The following FMN1 variants were observed in gnomAD, a reference collection of about 807,000 sequenced individuals.
FMN1 encodes formin-1.
FMN1 carries 110 observed loss-of-function variants against 132.4 expected under a neutral mutation model. That is an observed-to-expected ratio of 0.83 (90% CI 0.71 to 0.97). The LOEUF (loss-of-function observed/expected upper bound fraction) is 0.97, where lower values mean the gene tolerates loss of function less well. Ranked by LOEUF, FMN1 falls within the 50% of genes least tolerant of loss-of-function variation. FMN1 has a pLI of 0.00. For missense variants in FMN1, 1,792 were observed against 1,705.3 expected (o/e 1.05, Z -0.90); for synonymous variants, 722 against 651.7 (o/e 1.11, Z -1.64).
intron 15 of FMN1, among the ~76,000 whole-genome samples, chr15:32,894,129 T>C (rs553180054): frequency 6.6e-6 from 1 of 152,304 alleles, no homozygotes; most frequent in South Asian, 2.1e-4. Context: ...TACACGTTTG[T>C]GAATATTAAC....
intron 7 of FMN1, among the ~76,000 whole-genome samples, chr15:32,987,235 A>G (rs1200957517): frequency 6.6e-6 from 1 of 152,158 alleles, no homozygotes; most frequent in African/African-American, 2.4e-5. Context: ...TAACATCCAC[A>G]TGAAACCACA....
intron 7 of FMN1, among the ~76,000 whole-genome samples, chr15:32,985,539 C>T (rs1476088775): frequency 6.6e-6 from 1 of 152,048 alleles, no homozygotes; most frequent in Admixed American, 6.6e-5. Context: ...CAAAAGAAAA[C>T]CAAGGAAGAA....
chr15:32,776,636 GT>G (rs1193739658), intron 20 of FMN1, among the ~76,000 whole-genome samples, 198 bp downstream of exon 20: 1 of 151,444 alleles, frequency 6.6e-6, no homozygotes, highest in Non-Finnish European at 1.5e-5. Flanking sequence ...CCTATGTTGA[GT>G]TTACAGGAAA....
rs954532671 is a variant in FMN1, at chr15:33,154,180, G to T, written c.735C>A (p.Asp245Glu). The T allele has an allele frequency of 6.5e-7, 1 of 1,536,326 alleles. No homozygotes were observed. The highest frequency in any genetic ancestry group is 8.7e-7 in the Non-Finnish European group (1 of 1,146,992). The change falls in exon 4 of 21, where the codon GAC becomes GAA. Residue 245 changes from aspartate to glutamate, a missense_variant. Asp to Glu is a conservative substitution (Grantham distance 45, BLOSUM62 2). Transcript: ENST00000616417. ...CAAAGCTCCCAAAGCCAAGGTCTGT[G>T]TCTGGCGTCTTGGGAATATCTGGGG... The part of the protein sequence containing the change: ...SCPPDIPKTP[D>E]TDLGFGSFET...
chr15:33,042,619 A>G (rs1368967796), intron 6 of FMN1, among the ~76,000 whole-genome samples: 1 of 152,248 alleles, frequency 6.6e-6, no homozygotes. Context: ...GAGTGTTGGT[A>G]CTACACAGTC....
intron 7 of FMN1, among the ~76,000 whole-genome samples, chr15:32,972,372 A>C (rs913997201): frequency 4.6e-5 from 7 of 152,194 alleles, no homozygotes; most frequent in Non-Finnish European, 8.8e-5. Context: ...TTCGCAGCAG[A>C]ACTTTTTTGA....
At chr15:32,951,891 G>A (rs1567452743) in intron 9 of FMN1, among the ~76,000 whole-genome samples, 2 of 152,110 alleles carry the variant, frequency 1.3e-5, no homozygotes, top group Non-Finnish European at 2.9e-5. Context: ...TAGTCTAGTG[G>A]TGACTCTCAC....
In FMN1 at chr15:32,772,552, G is replaced by A. The variant is rs2056284039; in HGVS notation, c.*1758C>T. On this transcript the variant is annotated 3_prime_UTR_variant, in exon 21 of 21. Transcript: ENST00000616417. ...AGCATAAAAAGCTTCTTGCTCACAA[G>A]CAACTTCAAGCCTTTTTAGTCATGC... is the stretch of plus-strand genomic sequence containing the variant. 2.0e-5 allele frequency: 3 copies of A among 152,216 alleles called. No homozygotes were observed. 9.4% of individuals were successfully genotyped at this position (152,216 alleles called of 1,614,324 possible). A position where few individuals can be genotyped will look rare whatever the true frequency, so the allele number is the denominator to read the frequency against.
intron 7 of FMN1, among the ~76,000 whole-genome samples, chr15:32,977,481 A>G (rs1596382894): frequency 6.6e-6 from 1 of 152,224 alleles, no homozygotes; most frequent in East Asian, 1.9e-4. Flanking sequence ...TGGAAAAAGC[A>G]TTGGGTTCAA....
chr15:32,798,909 C>A lies in FMN1; in HGVS notation c.4025G>T (p.Gly1342Val). ...VRYFGMKPKS[G>V]EKEITPSYVF... ...GTAGCTGGGTGTGATCTCCTTCTCA[C>A]CAGACTTTGGCTTCATCCCAAAATA... Residue 1342 changes from glycine (G) to valine (V), a missense_variant, in exon 19 of 21, where the codon GGT (glycine) becomes GTT (valine). By Grantham distance (109) the Gly-to-Val change is moderately radical. Coordinates refer to ENST00000616417, the MANE Select transcript of FMN1 (RefSeq NM_001277313.2). 6.2e-7 allele frequency: 1 copy of A among 1,612,330 alleles called. No homozygotes were observed. Among genetic ancestry groups the A allele is most frequent in the Non-Finnish European group, 8.5e-7 (1 of 1,179,310 alleles).
At chr15:32,853,047 C>T (rs1209650974) in intron 17 of FMN1, among the ~76,000 whole-genome samples, 5 of 152,168 alleles carry the variant, frequency 3.3e-5, no homozygotes, top group South Asian at 2.1e-4. Context: ...AATTTCTAAT[C>T]CTCAATTTCC....
At chr15:32,797,325 T>C (rs907564585) in intron 19 of FMN1, among the ~76,000 whole-genome samples, 2 of 152,188 alleles carry the variant, frequency 1.3e-5, no homozygotes, top group Admixed American at 1.3e-4. Flanking sequence ...ATCTGAGGTG[T>C]AAAAATTCTT....
chr15:33,003,599 G>A (rs1279173328), intron 7 of FMN1, among the ~76,000 whole-genome samples: 5 of 152,158 alleles, frequency 3.3e-5, no homozygotes, highest in Non-Finnish European at 7.3e-5. Context: ...AATCAATATC[G>A]TGAAAATGGC....
At chr15:32,947,591 G>T (rs2061536476) in intron 9 of FMN1, among the ~76,000 whole-genome samples, 1 of 151,876 alleles carries the variant, frequency 6.6e-6, no homozygotes, top group Non-Finnish European at 1.5e-5. Context: ...TTTGAAACTA[G>T]AAATTTGGGA....
chr15:32,953,462 TCA>T (rs1209139692), intron 9 of FMN1, among the ~76,000 whole-genome samples: 13 of 152,206 alleles, frequency 8.5e-5, no homozygotes, highest in Non-Finnish European at 1.6e-4. Flanking sequence ...TTTGCTTTTA[TCA>T]CAGTTGGTGA....
intron 17 of FMN1, among the ~76,000 whole-genome samples, chr15:32,827,347 T>C (rs2058392012): frequency 1.3e-5 from 2 of 152,200 alleles, no homozygotes; most frequent in African/African-American, 4.8e-5. Flanking sequence ...ATTTGTCTAA[T>C]TTTACATTCC....
chr15:32,934,888 T>C (rs2061222532), intron 9 of FMN1, among the ~76,000 whole-genome samples: 1 of 151,646 alleles, frequency 6.6e-6, no homozygotes, highest in Non-Finnish European at 1.5e-5. Flanking sequence ...ATTACAGGCA[T>C]GAGCCACTGT....
chr15:33,179,135 C>A (rs1965611555), intron 3 of FMN1, among the ~76,000 whole-genome samples: 1 of 152,014 alleles, frequency 6.6e-6, no homozygotes, highest in South Asian at 2.1e-4. Context: ...AATTGGCTTT[C>A]CACCATTAGA....
chr15:33,125,510 C>G (rs777989601), intron 4 of FMN1, among the ~76,000 whole-genome samples: 3 of 151,958 alleles, frequency 2.0e-5, no homozygotes, highest in Non-Finnish European at 4.4e-5. Flanking sequence ...CAAATGAACC[C>G]TTCTCAAATT....
Sources: allele counts gnomAD v4.1 joint callset (sites outside exome capture counted in the v4.1 genomes callset), GRCh38; gene constraint gnomAD v4.1.1; transcripts MANE v1.5; gene names NCBI Gene and HGNC (gene_info 2026-07-23, HGNC 2026-07-21).